FBP2: variants seen among roughly 807,000 people sequenced by gnomAD.
FBP2 encodes the protein fructose-bisphosphatase 2.
A neutral mutation model predicts 31.6 loss-of-function variants in FBP2; 27 were observed. The observed-to-expected ratio is 0.85, with a 90% CI of 0.63 to 1.18. The LOEUF (loss-of-function observed/expected upper bound fraction) is 1.18, where lower values mean the gene tolerates loss of function less well. Ranked by LOEUF, FBP2 falls within the 50% of genes most tolerant of loss-of-function variation. The pLI is 0.00. For missense variants in FBP2, 421 were observed against 436.1 expected (o/e 0.97, Z 0.31); for synonymous variants, 168 against 179.8 (o/e 0.93, Z 0.53).
At chr9:94,565,242 GCGGGAGGCTGTAATCCCAGCTACT>G (rs1048977319) in intron 5 of FBP2, among the ~76,000 whole-genome samples, 3 of 152,012 alleles carry the variant, frequency 2.0e-5, no homozygotes, top group South Asian at 4.2e-4. Context: ...GGGCATGGTG[GCGGGAGGCTGTAATCCCAGCTACT>G]CGGGAGGCTG....
intron 4 of FBP2, chr9:94,567,739 G>T: frequency 4.0e-6 from 1 of 251,750 alleles, no homozygotes; most frequent in East Asian, 7.8e-5. Flanking sequence ...TATCTCCCAA[G>T]TTCTCACCCG....
intron 5 of FBP2, among the ~76,000 whole-genome samples, chr9:94,563,727 A>G (rs1827143767): frequency 1.1e-5 from 1 of 94,880 alleles, no homozygotes; most frequent in Non-Finnish European, 2.3e-5. Flanking sequence ...AGAGCCGCTA[A>G]ACAAACAAAG....
At chr9:94,578,931 T>C (rs1310670241) in intron 3 of FBP2, among the ~76,000 whole-genome samples, 1 of 149,428 alleles carries the variant, frequency 6.7e-6, no homozygotes, top group African/African-American at 2.5e-5. Context: ...CGGGCACCTG[T>C]AGTCCCAGCT....
chr9:94,579,193 T>G lies in FBP2; in HGVS notation c.426+5384A>C, dbSNP rs867460902. ...GCGGGCAGATAACGAGGTCAGGAGA[T>G]GGAGACCATCCTGGCTAACATGGTG... On this transcript the variant is annotated intron_variant, in intron 3 of 6. Coordinates refer to ENST00000375337, the MANE Select transcript of FBP2 (RefSeq NM_003837.4). Among the ~76,000 whole-genome samples, 7 of 148,750 alleles carry G rather than the reference T, an allele frequency of 4.7e-5. 1 individual carries two copies. The South Asian group carries it at 8.5e-4, about 18-fold the overall frequency.
rs142923380 is a variant in FBP2, at chr9:94,592,592, T to C, written c.170+965A>G. Among the ~76,000 whole-genome samples the C allele has an allele frequency of 6.6e-4, 100 of 152,310 alleles. 1 individual carries two copies. The highest frequency in any genetic ancestry group is 1.0e-3 in the Non-Finnish European group (69 of 68,028). On this transcript the variant is annotated intron_variant, in intron 1 of 6. Transcript: ENST00000375337. Reference sequence around the variant, plus strand: ...TCCTGTCACCCAGGCTGGAGTGCAGTGGTACGATCTCGACTCACCGCAACC... The same window carrying C: ...TCCTGTCACCCAGGCTGGAGTGCAGCGGTACGATCTCGACTCACCGCAACC...
At chr9:94,592,956 C>T (rs1827517694) in intron 1 of FBP2, among the ~76,000 whole-genome samples, 1 of 152,182 alleles carries the variant, frequency 6.6e-6, no homozygotes, top group African/African-American at 2.4e-5. Context: ...GAAGAAACCT[C>T]TGCGCTCCCC....
At chr9:94,589,229 C>T (rs966424851) in intron 1 of FBP2, among the ~76,000 whole-genome samples, 2 of 152,198 alleles carry the variant, frequency 1.3e-5, no homozygotes, top group Non-Finnish European at 2.9e-5. Flanking sequence ...TCTCACGTTC[C>T]AACAGCCGCA....
chr9:94,587,333 C>T lies in FBP2; in HGVS notation c.307G>A (p.Ala103Thr), dbSNP rs1218532906. ...CVLVSEENKDAIITAKEKRGK... is the reference protein window; with the variant it reads ...CVLVSEENKDTIITAKEKRGK... ...CGCTTCTCCTTGGCGGTGATGATGG[C>T]GTCCTTATTCTCTTCTGAGACCAGG... Residue 103 changes from alanine (A) to threonine (T), a missense_variant, in exon 2 of 7, where the codon GCC becomes ACC. Physicochemically the swap from Ala to Thr is moderately conservative, Grantham distance 58. Transcript: ENST00000375337. The T allele has an allele frequency of 2.5e-6, 4 of 1,612,120 alleles. No individual in the cohort carries two copies. The highest frequency in any genetic ancestry group is 3.4e-6 in the Non-Finnish European group (4 of 1,179,568).
rs983209103 is a variant in FBP2, at chr9:94,567,695, G to A, written c.568-288C>T. The A allele has an allele frequency of 2.9e-5, 10 of 348,226 alleles. No homozygotes were observed. The South Asian group carries it at 5.9e-4, about 21-fold the overall frequency. The allele number at this position is 348,226 out of a possible 1,614,324, so 21.6% of individuals were successfully genotyped here. A position where few individuals can be genotyped will look rare whatever the true frequency, so the allele number is the denominator to read the frequency against. On this transcript the variant is annotated intron_variant, in intron 4 of 6. Coordinates refer to ENST00000375337, the MANE Select transcript of FBP2 (RefSeq NM_003837.4). ...TTCCTGTGCATCTTCCACTGTCAGTGAGGCTCCTCATTTATGGTGAACCCA... is the reference window on the plus strand; with the variant it reads ...TTCCTGTGCATCTTCCACTGTCAGTAAGGCTCCTCATTTATGGTGAACCCA...
In FBP2 at chr9:94,563,460, T is replaced by C; in HGVS notation, c.707A>G (p.Asp236Gly). Residue 236 changes from aspartate (D) to glycine (G), a missense_variant and splice_region_variant, in exon 6 of 7, where the codon GAT (aspartate) becomes GGT (glycine). Transcript: ENST00000375337. ...EYVQKKKFPE[D>G]GSAPYGARYV... ...CCTGGCCCCATAGGGAGCACTGCCA[T>C]CCTAGAAGACAGAAAGCGAAGAGAC... The C allele has an allele frequency of 6.2e-7, 1 of 1,612,906 alleles. No homozygotes were observed. The highest frequency in any genetic ancestry group is 1.7e-5 in the Admixed American group (1 of 59,882).
chr9:94,567,795 G>T (rs921944824), intron 4 of FBP2: 1 of 185,866 alleles, frequency 5.4e-6, no homozygotes, highest in Non-Finnish European at 1.1e-5. Flanking sequence ...GTGAGAGGAA[G>T]AAGTTACATT....
intron 3 of FBP2, among the ~76,000 whole-genome samples, chr9:94,582,692 C>A (rs539030996): frequency 1.3e-5 from 2 of 151,814 alleles, no homozygotes; most frequent in East Asian, 3.9e-4. Context: ...GGACTACAGG[C>A]ACCCACCACC....
At chr9:94,578,922 G>A (rs762662172) in intron 3 of FBP2, among the ~76,000 whole-genome samples, 117 of 150,380 alleles carry the variant, frequency 7.8e-4, no homozygotes, top group Non-Finnish European at 3.4e-4. Context: ...GTGTGGTGGC[G>A]GGCACCTGTA....
chr9:94,593,706 G>T lies in FBP2; in HGVS notation c.21C>A (p.Phe7Leu), dbSNP rs145086444. MTDRSPFETDMLTLTRY... is the reference protein window; with the variant it reads MTDRSPLETDMLTLTRY... ...GGGTCAGGGTGAGCATGTCGGTTTC[G>T]AAGGGGCTTCTGTCCGTCATTTTGG... Residue 7 changes from phenylalanine (F) to leucine (L), a missense_variant, in exon 1 of 7, where the codon TTC (phenylalanine) becomes TTA (leucine). Coordinates refer to ENST00000375337, the MANE Select transcript of FBP2 (RefSeq NM_003837.4). 1.9e-6 allele frequency: 3 copies of T among 1,614,180 alleles called. No homozygotes were observed. The highest frequency in any genetic ancestry group is 3.3e-4 in the Middle Eastern group (2 of 6,062).
At chr9:94,591,443 G>A (rs1240003890) in intron 1 of FBP2, among the ~76,000 whole-genome samples, 1 of 151,870 alleles carries the variant, frequency 6.6e-6, no homozygotes, top group Non-Finnish European at 1.5e-5. Context: ...TCGGAGTGCG[G>A]GCCCGCCAAG....
At chr9:94,584,433 A>C in intron 3 of FBP2, 144 bp downstream of exon 3, 1 of 627,124 alleles carries the variant, frequency 1.6e-6, no homozygotes. Context: ...CCCCAGGCAG[A>C]GAAAAGTTGG....
intron 1 of FBP2, among the ~76,000 whole-genome samples, chr9:94,591,631 A>G (rs1311512621): frequency 6.6e-6 from 1 of 152,180 alleles, no homozygotes; most frequent in African/African-American, 2.4e-5. Context: ...AAATGCCGCC[A>G]GTGGTCATTG....
At chr9:94,560,982 A>C (rs1171442108) in intron 6 of FBP2, among the ~76,000 whole-genome samples, 1 of 152,072 alleles carries the variant, frequency 6.6e-6, no homozygotes. Flanking sequence ...GTTGTGGTGC[A>C]TGCGGGCTGT....
chr9:94,587,671 A>AT (rs1827443988), intron 1 of FBP2, among the ~76,000 whole-genome samples: 1 of 150,540 alleles, frequency 6.6e-6, no homozygotes, highest in Non-Finnish European at 1.5e-5. Flanking sequence ...AGTCGTTGTC[A>AT]TATTTTCTTA....
Sources: allele counts gnomAD v4.1 joint callset (sites outside exome capture counted in the v4.1 genomes callset), GRCh38; gene constraint gnomAD v4.1.1; transcripts MANE v1.5; gene names NCBI Gene and HGNC (gene_info 2026-07-23, HGNC 2026-07-21).